FOXM1: variants seen among roughly 807,000 people sequenced by gnomAD.
FOXM1 encodes forkhead box M1.
Under a neutral mutation model 63.6 loss-of-function variants are expected in FOXM1, and 25 were observed. The ratio of observed to expected loss-of-function variants is 0.39; its 90% CI spans 0.29 to 0.55. FOXM1 has a LOEUF of 0.55. Among genes scored for constraint, FOXM1 ranks in the 20% least tolerant of loss-of-function variants. FOXM1 has a pLI of 0.60. For missense variants in FOXM1, 879 were observed against 958.7 expected (o/e 0.92, Z 1.10); for synonymous variants, 387 against 376.9 (o/e 1.03, Z -0.31).
Position 2,859,635 on chromosome 12 carries a change from G to C in FOXM1, c.1295C>G (p.Pro432Arg), listed in dbSNP as rs201705172. The C allele has an allele frequency of 2.0e-5, 33 of 1,610,798 alleles. No individual in the cohort carries two copies. The highest frequency in any genetic ancestry group is 2.8e-5 in the Non-Finnish European group (33 of 1,179,196). ...KVLLAEEGIA[P>R]LSSAGPGKEE... ...TTTCCCTGGTCCTGCAGAAGAAAGA[G>C]GAGCTATCCCCTCCTCAGCTAGCAG... Residue 432 changes from proline to arginine, a missense_variant, in exon 9 of 9, where the codon CCT becomes CGT. By Grantham distance (103) the Pro-to-Arg change is moderately radical. Transcript: ENST00000359843.
chr12:2,872,204 G>C lies in FOXM1; in HGVS notation c.546C>G (p.Ser182=), dbSNP rs764449325. ...TCATCTTTCGAAGCCACTGGATGTT[G>C]GATAGGCTATTGTTGATAGTGCAGC... ...AAGCTINNSL[S]NIQWLRKMSS... Residue 182 remains serine, a synonymous_variant, in exon 3 of 9, where the codon TCC becomes TCG. Transcript: ENST00000359843. This position sits in a 1 kb window ranked among gnomAD's most constrained non-coding sequence, Gnocchi z 4.0. The C allele has an allele frequency of 6.2e-7, 1 of 1,614,184 alleles. No homozygotes were observed. The highest frequency in any genetic ancestry group is 8.5e-7 in the Non-Finnish European group (1 of 1,180,018).
chr12:2,865,643 C>CTTTTTTTT (rs58125017), intron 5 of FOXM1, among the ~76,000 whole-genome samples: 1 of 67,984 alleles, frequency 1.5e-5, no homozygotes, highest in Admixed American at 2.2e-4. Flanking sequence ...CTAAGGCAGG[C>CTTTTTTTT]TTTTTTTTTT....
At chr12:2,870,435 C>T (rs967595369) in intron 3 of FOXM1, among the ~76,000 whole-genome samples, 71 of 152,180 alleles carry the variant, frequency 4.7e-4, no homozygotes, top group African/African-American at 1.5e-3. Context: ...GAGGCTGAGG[C>T]GGGTGGATGA....
chr12:2,866,072 G>A (rs577376328), intron 5 of FOXM1, among the ~76,000 whole-genome samples: 30 of 152,316 alleles, frequency 2.0e-4, no homozygotes, highest in African/African-American at 6.5e-4. Flanking sequence ...AGCCCCAAGA[G>A]AGGGGTCTGG....
rs1033610846 is a variant in FOXM1, at chr12:2,872,528, G to A, written c.503-281C>T. 2.6e-5 allele frequency among the ~76,000 whole-genome samples: 4 copies of A among 152,222 alleles called. No homozygotes were observed. The highest frequency in any genetic ancestry group is 6.8e-3 in the Middle Eastern group (2 of 294). ...GGAGGCTGAGACAGGAGAATTGCTCGAACCCGGGAGACGAAGGCTGCAGTG... is the reference window on the plus strand; with the variant it reads ...GGAGGCTGAGACAGGAGAATTGCTCAAACCCGGGAGACGAAGGCTGCAGTG... On this transcript the variant is annotated intron_variant, in intron 2 of 8. Transcript: ENST00000359843. The surrounding 1 kb of genome is among the most constrained non-coding windows in gnomAD (Gnocchi z 4.0).
intron 5 of FOXM1, among the ~76,000 whole-genome samples, chr12:2,865,653 T>A (rs2098121864): frequency 7.1e-6 from 1 of 140,310 alleles, no homozygotes; most frequent in Admixed American, 7.1e-5. Flanking sequence ...CTTTTTTTTT[T>A]TTTTTTTTTT....
Position 2,859,643 on chromosome 12 carries a change from C to T in FOXM1, c.1287G>A (p.Gly429=). 1.2e-6 allele frequency: 2 copies of T among 1,608,958 alleles called. No individual in the cohort carries two copies. Among genetic ancestry groups the T allele is most frequent in the Non-Finnish European group, 1.7e-6 (2 of 1,178,368 alleles). ...GTCCTGCAGAAGAAAGAGGAGCTAT[C>T]CCCTCCTCAGCTAGCAGCACCTGAA... ...IAPKVLLAEE[G]IAPLSSAGPG... Residue 429 remains glycine, a synonymous_variant, in exon 9 of 9, where the codon GGG becomes GGA. Transcript: ENST00000359843.
chr12:2,867,421 A>C (rs1036768438), intron 4 of FOXM1, among the ~76,000 whole-genome samples: 1 of 152,152 alleles, frequency 6.6e-6, no homozygotes, highest in African/African-American at 2.4e-5. Context: ...AGCCCAGGCA[A>C]CAGGGTGAGA....
rs1221221498 is a variant in FOXM1 at position 2,866,468 on chromosome 12, A to C, written c.900T>G (p.Ser300=). 5 of 1,572,174 alleles carry C rather than the reference A, an allele frequency of 3.2e-6. No individual in the cohort carries two copies. The highest frequency in any genetic ancestry group is 4.3e-6 in the Non-Finnish European group (5 of 1,160,926). ...SLHDMFVRET[S]ANGKVSFWTI... ...TCCAGAAGGAGACCTTGCCATTGGC[A>C]GACGTCTCCCGGACAAACATGTCGT... The change falls in exon 5 of 9, where the codon TCT becomes TCG. Residue 300 remains serine (S), a synonymous_variant. Coordinates refer to ENST00000359843, the MANE Select transcript of FOXM1 (RefSeq NM_021953.4).
intron 1 of FOXM1, among the ~76,000 whole-genome samples, chr12:2,875,958 G>T (rs1281559810): frequency 6.7e-6 from 1 of 149,024 alleles, no homozygotes; most frequent in East Asian, 2.0e-4. Context: ...TAGAAACAGG[G>T]TTTCACCATG....
At position 2,872,058 on chromosome 12, in the gene FOXM1, T is replaced by C; in HGVS notation, c.654+38A>G. 1 of 1,611,534 alleles carries C rather than the reference T, an allele frequency of 6.2e-7. No individual in the cohort carries two copies. The highest frequency in any genetic ancestry group is 1.1e-5 in the South Asian group (1 of 91,048). ...TTCCCTACCTAGGAATTCCCTACAC[T>C]GGATCTGATTTCTTTAGTGAGGGAC... On this transcript the variant is annotated intron_variant, in intron 3 of 8. Coordinates refer to ENST00000359843, the MANE Select transcript of FOXM1 (RefSeq NM_021953.4). This position sits in a 1 kb window ranked among gnomAD's most constrained non-coding sequence, Gnocchi z 4.0.
At position 2,868,547 on chromosome 12, in the gene FOXM1, C is replaced by A. The variant is rs370026302; in HGVS notation, c.846+16G>T. 1 of 1,594,576 alleles carries A rather than the reference C, an allele frequency of 6.3e-7. No individual in the cohort carries two copies. Among genetic ancestry groups the A allele is most frequent in the Non-Finnish European group, 8.6e-7 (1 of 1,168,996 alleles). ...GCTGGGCTGACCTTGATTTTGGTTG[C>A]TGTGGGACACATTACCTTCCAGCCT... On this transcript the variant is annotated intron_variant, in intron 4 of 8. Transcript: ENST00000359843.
In FOXM1 at chr12:2,864,287, G is replaced by T; in HGVS notation, c.1266+33C>A. On this transcript the variant is annotated intron_variant, in intron 8 of 8. Transcript: ENST00000359843. The surrounding 1 kb of genome is among the most constrained non-coding windows in gnomAD (Gnocchi z 5.1). ...AAGGTCCAACATTCTTAATTGGCCAGAATCTCTCTTCAGAGGAAAATAGGA... is the reference window on the plus strand; with the variant it reads ...AAGGTCCAACATTCTTAATTGGCCATAATCTCTCTTCAGAGGAAAATAGGA... The T allele has an allele frequency of 3.8e-6, 6 of 1,574,264 alleles. No individual in the cohort carries two copies. The highest frequency in any genetic ancestry group is 1.1e-5 in the South Asian group (1 of 88,162).
chr12:2,858,743 G>T lies in FOXM1; in HGVS notation c.2187C>A (p.Asp729Glu), dbSNP rs759483249. ...TEGLVLDTMN[D>E]SLSKILLDIS... ...TGTCCAGCAGGATCTTGCTGAGGCTGTCATTCATTGTGTCCAGGACCAGGC... is the reference window on the plus strand; with the variant it reads ...TGTCCAGCAGGATCTTGCTGAGGCTTTCATTCATTGTGTCCAGGACCAGGC... Residue 729 changes from aspartate to glutamate, a missense_variant, in exon 9 of 9, where the codon GAC (aspartate) becomes GAA (glutamate). Coordinates refer to ENST00000359843, the MANE Select transcript of FOXM1 (RefSeq NM_021953.4). 2.0e-5 allele frequency: 33 copies of T among 1,614,122 alleles called. No homozygotes were observed. Among genetic ancestry groups the T allele is most frequent in the Non-Finnish European group, 2.8e-5 (33 of 1,180,052 alleles).
chr12:2,869,901 A>T (rs2098129996), intron 3 of FOXM1, among the ~76,000 whole-genome samples: 1 of 151,916 alleles, frequency 6.6e-6, no homozygotes, highest in Non-Finnish European at 1.5e-5. Context: ...TCACATTTTT[A>T]AAATTGGAGA....
chr12:2,859,313 CCTCCT>C lies in FOXM1; in HGVS notation c.1612_1616del (p.Arg538GlyfsTer18). The C allele has an allele frequency of 1.2e-6, 2 of 1,613,008 alleles. No individual in the cohort carries two copies. Among genetic ancestry groups the C allele is most frequent in the Non-Finnish European group, 1.7e-6 (2 of 1,179,548 alleles). ...GTTTTCTCCGAGACCGGCTCCTCTC[CCTCCT>C]CTCCCTGTGTTGAATCACAAGCATT... On this transcript the variant is annotated frameshift_variant, in exon 9 of 9. Transcript: ENST00000359843. LOFTEE classifies it high-confidence loss of function.
In FOXM1 at chr12:2,873,982, G is replaced by T. The variant is rs371297304; in HGVS notation, c.497C>A (p.Thr166Asn). The change falls in exon 2 of 9, where the codon ACC becomes AAC. Residue 166 changes from threonine (T) to asparagine (N), a missense_variant. Coordinates refer to ENST00000359843, the MANE Select transcript of FOXM1 (RefSeq NM_021953.4). ...TTCCCTGGAAGACCACATACCACAG[G>T]TCTCCCGTTTCTGCTCGCAAAGGGC... ...PGALCEQKRE[T>N]CADGEAAGCT... The T allele has an allele frequency of 6.2e-7, 1 of 1,611,312 alleles. No homozygotes were observed. Among genetic ancestry groups the T allele is most frequent in the Non-Finnish European group, 8.5e-7 (1 of 1,178,060 alleles).
At chr12:2,870,267 C>T (rs1697642792) in intron 3 of FOXM1, among the ~76,000 whole-genome samples, 1 of 152,188 alleles carries the variant, frequency 6.6e-6, no homozygotes, top group African/African-American at 2.4e-5. Context: ...TGAGTTATCG[C>T]GCCTGGCCAA....
intron 4 of FOXM1, among the ~76,000 whole-genome samples, chr12:2,866,891 G>C (rs1164974524): frequency 6.6e-6 from 1 of 152,232 alleles, no homozygotes; most frequent in East Asian, 1.9e-4. Flanking sequence ...GGTGGCTCAC[G>C]CCTATAATCC....
Sources: gnomAD v4.1 joint callset for allele counts (sites outside exome capture counted in the v4.1 genomes callset) on GRCh38, gnomAD v4.1.1 for gene constraint, Gnocchi (gnomAD v3.1) non-coding constraint, MANE v1.5 for transcripts, NCBI Gene and HGNC (gene_info 2026-07-23, HGNC 2026-07-21) for gene names.